The following SV2C variants were observed in gnomAD, a reference collection of about 807,000 sequenced individuals.
SV2C encodes synaptic vesicle glycoprotein 2C.
SV2C carries 49 observed loss-of-function variants against 79.7 expected under a neutral mutation model. The ratio of observed to expected loss-of-function variants is 0.61; its 90% CI spans 0.49 to 0.78. SV2C has a LOEUF of 0.78. SV2C is among the 30% of genes least tolerant of loss of function. The pLI, the probability that SV2C is intolerant of heterozygous loss-of-function variation, is 0.00. For missense variants in SV2C, 833 were observed against 912.9 expected, an observed-to-expected ratio of 0.91 and a Z score of 1.13; for synonymous variants, 334 against 333.2, an observed-to-expected ratio of 1.00 and a Z score of -0.03.
At chr5:75,911,785 T>C in the SV2C span, 1 of 591,032 alleles carries the variant, frequency 1.7e-6, no homozygotes, top group Admixed American at 1.9e-5. Flanking sequence ...AGACCAGCTT[T>C]AAGTCTCCAC....
chr5:76,038,165 C>A, the SV2C span, among the ~76,000 whole-genome samples: 11 of 152,210 alleles, frequency 7.2e-5, no homozygotes, highest in South Asian at 6.2e-4. Context: ...TGAGATGAAC[C>A]CGGTACCTCA....
the SV2C span, among the ~76,000 whole-genome samples, chr5:75,996,260 G>A: frequency 1.3e-5 from 2 of 152,124 alleles, no homozygotes; most frequent in Admixed American, 1.3e-4. Flanking sequence ...CCCATTGCTT[G>A]TTTTTCTCAG....
chr5:75,858,420 T>C, the SV2C span, among the ~76,000 whole-genome samples: 2 of 152,218 alleles, frequency 1.3e-5, no homozygotes, highest in East Asian at 3.8e-4. Flanking sequence ...GATTTGTGTA[T>C]GTTGAACCAT....
At chr5:76,030,516 A>G in the SV2C span, among the ~76,000 whole-genome samples, 1 of 152,016 alleles carries the variant, frequency 6.6e-6, no homozygotes, top group Admixed American at 6.6e-5. Context: ...GACCTATAGA[A>G]GTAAGTAATG....
the SV2C span, among the ~76,000 whole-genome samples, chr5:75,934,551 G>A: frequency 2.0e-5 from 3 of 152,056 alleles, no homozygotes; most frequent in Admixed American, 2.0e-4. Context: ...CTCCCAAAGT[G>A]CTGGGATTAC....
At chr5:76,047,831 T>C in the SV2C span, among the ~76,000 whole-genome samples, 5 of 149,402 alleles carry the variant, frequency 3.3e-5, no homozygotes, top group African/African-American at 9.8e-5. Context: ...AGTGGCGCGA[T>C]CGCAGCTCAC....
intron 3 of SV2C, among the ~76,000 whole-genome samples, chr5:76,201,855 A>G (rs894451762): frequency 6.6e-6 from 1 of 151,992 alleles, no homozygotes; most frequent in Non-Finnish European, 1.5e-5. Context: ...CGTCTCTACT[A>G]AAAATACAAA....
chr5:76,265,621 A>G (rs1746627762), intron 4 of SV2C, among the ~76,000 whole-genome samples: 1 of 152,226 alleles, frequency 6.6e-6, no homozygotes, highest in Admixed American at 6.5e-5. Context: ...ATACGAAGGA[A>G]TCCCCTGGTC....
At chr5:76,301,215 G>A (rs1747986596) in intron 11 of SV2C, among the ~76,000 whole-genome samples, 171 bp from the exon 12 acceptor site, 1 of 152,220 alleles carries the variant, frequency 6.6e-6, no homozygotes. Flanking sequence ...GTGTTCAGAG[G>A]CAGTTAGAGC....
At position 76,332,845 on chromosome 5, in the gene SV2C, C is replaced by CA. The variant is rs1158086853; in HGVS notation, c.*7299dup. On this transcript the variant is annotated 3_prime_UTR_variant, in exon 13 of 13. Transcript: ENST00000502798. ...CCTCCCACTGCATAGACACAGGCCA[C>CA]ATCACATTGAGTATCATGGATTTAT... 2 of 152,234 alleles carry CA rather than the reference C, an allele frequency of 1.3e-5. No homozygotes were observed. The highest frequency in any genetic ancestry group is 4.8e-5 in the African/African-American group (2 of 41,452). The allele number at this position is 152,234 out of a possible 1,614,324, so 9.4% of individuals were successfully genotyped here.
At chr5:75,979,694 A>G in the SV2C span, among the ~76,000 whole-genome samples, 1 of 152,250 alleles carries the variant, frequency 6.6e-6, no homozygotes, top group East Asian at 1.9e-4. Flanking sequence ...ACGAAGATAC[A>G]ACATACCAGA....
chr5:76,196,664 T>C (rs1440019508), intron 3 of SV2C, among the ~76,000 whole-genome samples: 3 of 152,192 alleles, frequency 2.0e-5, no homozygotes, highest in Admixed American at 6.5e-5. Context: ...TCCCTTTTAT[T>C]ATCTATAATA....
chr5:76,110,856 C>T (rs1402509796), intron 1 of SV2C, among the ~76,000 whole-genome samples: 1 of 152,138 alleles, frequency 6.6e-6, no homozygotes, highest in Non-Finnish European at 1.5e-5. Context: ...GGGAGTTCCC[C>T]AGGGCTCAGC....
the SV2C span, among the ~76,000 whole-genome samples, chr5:76,040,934 CT>C: frequency 6.6e-6 from 1 of 152,168 alleles, no homozygotes; most frequent in Non-Finnish European, 1.5e-5. Flanking sequence ...AAACAGGCAA[CT>C]TTTTACTGGT....
chr5:76,202,748 A>G (rs1461214984), intron 3 of SV2C, among the ~76,000 whole-genome samples: 1 of 152,232 alleles, frequency 6.6e-6, no homozygotes, highest in Non-Finnish European at 1.5e-5. Context: ...CACTAGCTTC[A>G]TGTAGCTACC....
chr5:76,038,533 A>G, the SV2C span, among the ~76,000 whole-genome samples: 1 of 152,248 alleles, frequency 6.6e-6, no homozygotes, highest in Non-Finnish European at 1.5e-5. Context: ...CTTACATTGC[A>G]GAGTTGTCAT....
chr5:76,151,437 G>C (rs2112230329), intron 2 of SV2C, among the ~76,000 whole-genome samples: 2 of 152,334 alleles, frequency 1.3e-5, no homozygotes, highest in Middle Eastern at 6.8e-3. Context: ...TGTCATTTGG[G>C]AGACTGCTGT....
chr5:76,270,822 G>A (rs1173771103), intron 4 of SV2C, among the ~76,000 whole-genome samples: 2 of 151,624 alleles, frequency 1.3e-5, no homozygotes, highest in East Asian at 1.9e-4. Context: ...AGGGTAGGGT[G>A]CAGTGGTGCG....
chr5:76,199,074 A>G (rs1029355683), intron 3 of SV2C, among the ~76,000 whole-genome samples: 1 of 152,228 alleles, frequency 6.6e-6, no homozygotes, highest in African/African-American at 2.4e-5. Flanking sequence ...TCAAAGGCAT[A>G]TCGTATTTAA....
Sources: gnomAD v4.1 joint callset for allele counts (sites outside exome capture counted in the v4.1 genomes callset) on GRCh38, gnomAD v4.1.1 for gene constraint, MANE v1.5 for transcripts, NCBI Gene and HGNC (gene_info 2026-07-23, HGNC 2026-07-21) for gene names.